The following USP12 variants were observed in gnomAD, a reference collection of about 807,000 sequenced individuals.
USP12 encodes ubiquitin carboxyl-terminal hydrolase 12.
A neutral mutation model predicts 45.5 loss-of-function variants in USP12; 19 were observed. That is an observed-to-expected ratio of 0.42 (90% confidence interval 0.29 to 0.61). USP12 has a LOEUF of 0.61. Among genes scored for constraint, USP12 ranks in the 20% least tolerant of loss-of-function variants. The probability of loss-of-function intolerance (pLI) is 0.22; values close to 1 mark genes in which losing one functional copy is unlikely to be tolerated. For synonymous variants in USP12, 149 were observed against 148.8 expected (o/e 1.00, Z -0.01); for missense variants, 242 against 447.7 (o/e 0.54, Z 4.15).
chr13:27,072,979 TTC>T (rs1377230696), intron 7 of USP12, among the ~76,000 whole-genome samples: 2 of 152,188 alleles, frequency 1.3e-5, no homozygotes, highest in Non-Finnish European at 2.9e-5. Flanking sequence ...GCAAATTATT[TTC>T]TGTTTTAAAA....
At chr13:27,134,437 GT>G (rs917629635) in intron 1 of USP12, among the ~76,000 whole-genome samples, 1 of 152,128 alleles carries the variant, frequency 6.6e-6, no homozygotes, top group Non-Finnish European at 1.5e-5. Context: ...ATTTCAATGA[GT>G]TTCAAGGTAA....
intron 1 of USP12, among the ~76,000 whole-genome samples, chr13:27,121,538 T>G (rs111761575): frequency 6.6e-6 from 1 of 151,934 alleles, no homozygotes; most frequent in African/African-American, 2.4e-5. Context: ...AAGAGCCCCA[T>G]GAAGAAATGC....
chr13:27,121,218 G>A lies in USP12; in HGVS notation c.49-4622C>T, dbSNP rs149292352. ...TGGCACTTAGGAGTAGAGACAGGGA[G>A]AAAGGAGAAACATCTTCCCAAAATT... On this transcript the variant is annotated intron_variant, in intron 1 of 8. Transcript: ENST00000282344. Among the ~76,000 whole-genome samples, 2 of 151,420 alleles carry A rather than the reference G, an allele frequency of 1.3e-5. 1 individual carries two copies. The highest frequency in any genetic ancestry group is 3.9e-4 in the East Asian group (2 of 5,114).
chr13:27,089,465 C>T (rs1874213792), intron 6 of USP12: 1 of 156,074 alleles, frequency 6.4e-6, no homozygotes, highest in South Asian at 2.0e-4. Flanking sequence ...TTTATTGATA[C>T]CAAACCAGTC....
intron 1 of USP12, among the ~76,000 whole-genome samples, chr13:27,138,293 G>C (rs1876900241): frequency 6.6e-6 from 1 of 152,200 alleles, no homozygotes; most frequent in Non-Finnish European, 1.5e-5. Flanking sequence ...GCCGAAGAAA[G>C]AGGCTAACAA....
At chr13:27,105,262 A>C (rs903724555) in intron 3 of USP12, among the ~76,000 whole-genome samples, 4 of 152,310 alleles carry the variant, frequency 2.6e-5, no homozygotes, top group South Asian at 4.1e-4. Flanking sequence ...CCTTCCCCGG[A>C]GTGTGGCTCC....
intron 1 of USP12, among the ~76,000 whole-genome samples, chr13:27,169,394 C>T (rs910401018): frequency 1.3e-5 from 2 of 152,118 alleles, no homozygotes; most frequent in Admixed American, 1.3e-4. Flanking sequence ...AAAGAGGTAT[C>T]TTTGCTTTTC....
At chr13:27,128,178 A>T (rs1389115622) in intron 1 of USP12, among the ~76,000 whole-genome samples, 1 of 152,212 alleles carries the variant, frequency 6.6e-6, no homozygotes, top group Non-Finnish European at 1.5e-5. Flanking sequence ...CAAAAAAATA[A>T]ACGAACGAAA....
intron 1 of USP12, among the ~76,000 whole-genome samples, chr13:27,134,208 A>G (rs967621621): frequency 1.3e-5 from 2 of 152,216 alleles, no homozygotes; most frequent in African/African-American, 2.4e-5. Context: ...AATGAAAAAG[A>G]CTAAAGAAGC....
intron 6 of USP12, among the ~76,000 whole-genome samples, chr13:27,080,712 C>T (rs1007883101): frequency 6.6e-6 from 1 of 152,178 alleles, no homozygotes; most frequent in African/African-American, 2.4e-5. Context: ...TTCCAGGCCA[C>T]CGCAATAAAG....
rs556941051 is a variant in USP12 at position 27,154,117 on chromosome 13, C to A, written c.48+17475G>T. Reference sequence around the variant, plus strand: ...AAAATGTGAGAGTTGCCCTTTTCTGCCCTTTCTTCCTTAGGAAGCACACAG... The same window carrying A: ...AAAATGTGAGAGTTGCCCTTTTCTGACCTTTCTTCCTTAGGAAGCACACAG... On this transcript the variant is annotated intron_variant, in intron 1 of 8. Coordinates refer to ENST00000282344, the MANE Select transcript of USP12 (RefSeq NM_182488.4). Among the ~76,000 whole-genome samples, 29 of 152,296 alleles carry A rather than the reference C, an allele frequency of 1.9e-4. 1 individual carries two copies. Among genetic ancestry groups the A allele is most frequent in the Middle Eastern group, 3.4e-3 (1 of 294 alleles).
chr13:27,096,678 G>A (rs1874596959), intron 3 of USP12, among the ~76,000 whole-genome samples: 1 of 152,164 alleles, frequency 6.6e-6, no homozygotes, highest in Non-Finnish European at 1.5e-5. Context: ...GCAGAGCCAG[G>A]ATTCAAACTG....
chr13:27,076,494 T>C (rs536757245), intron 6 of USP12, among the ~76,000 whole-genome samples: 2 of 152,316 alleles, frequency 1.3e-5, no homozygotes, highest in Admixed American at 1.3e-4. Flanking sequence ...ACCTTACAGG[T>C]TCACTTTATA....
chr13:27,116,486 G>A, intron 2 of USP12, 30 bp downstream of exon 2: 1 of 1,597,764 alleles, frequency 6.3e-7, no homozygotes, highest in Non-Finnish European at 8.5e-7. Flanking sequence ...TTCCGAACAT[G>A]ATTCTAAAAG....
At chr13:27,160,666 C>T (rs1878062785) in intron 1 of USP12, among the ~76,000 whole-genome samples, 1 of 152,050 alleles carries the variant, frequency 6.6e-6, no homozygotes, top group East Asian at 1.9e-4. Context: ...ACCCTGAGCA[C>T]ATCAGTCTGA....
At chr13:27,079,652 G>A (rs1873657941) in intron 6 of USP12, among the ~76,000 whole-genome samples, 1 of 152,202 alleles carries the variant, frequency 6.6e-6, no homozygotes, top group Non-Finnish European at 1.5e-5. Context: ...TCAATAGTCA[G>A]AAACGTTTTT....
At chr13:27,130,369 C>T (rs571815857) in intron 1 of USP12, among the ~76,000 whole-genome samples, 25 of 152,204 alleles carry the variant, frequency 1.6e-4, no homozygotes, top group African/African-American at 5.8e-4. Flanking sequence ...ACAGAAACTT[C>T]AGTGACCACA....
chr13:27,151,836 A>G (rs1484587567), intron 1 of USP12, among the ~76,000 whole-genome samples: 1 of 152,196 alleles, frequency 6.6e-6, no homozygotes, highest in Non-Finnish European at 1.5e-5. Context: ...AGAACAGCCA[A>G]AGAATGCGAA....
At chr13:27,080,709 C>T (rs189078496) in intron 6 of USP12, among the ~76,000 whole-genome samples, 3 of 152,124 alleles carry the variant, frequency 2.0e-5, no homozygotes, top group African/African-American at 7.2e-5. Context: ...CAGTTCCAGG[C>T]CACCGCAATA....
Sources: allele counts gnomAD v4.1 joint callset (sites outside exome capture counted in the v4.1 genomes callset), GRCh38; gene constraint gnomAD v4.1.1; transcripts MANE v1.5; gene names NCBI Gene and HGNC (gene_info 2026-07-23, HGNC 2026-07-21).